The following PTPRS variants were observed in gnomAD, a reference collection of about 807,000 sequenced individuals.
PTPRS encodes the protein receptor-type tyrosine-protein phosphatase S.
Under a neutral mutation model 215.3 loss-of-function variants are expected in PTPRS, and 63 were observed. The ratio of observed to expected loss-of-function variants is 0.29; its 90% CI spans 0.24 to 0.36. The LOEUF is 0.36. Ranked by LOEUF, PTPRS falls within the 10% of genes least tolerant of loss-of-function variation. The pLI, the probability that PTPRS is intolerant of heterozygous loss-of-function variation, is 1.00. For synonymous variants in PTPRS, 1,404 were observed against 1,191.4 expected (o/e 1.18, Z -3.68); for missense variants, 2,258 against 2,825.8 (o/e 0.80, Z 4.56).
chr19:5,326,862 G>A (rs1184635605), intron 1 of PTPRS, among the ~76,000 whole-genome samples: 1 of 151,422 alleles, frequency 6.6e-6, no homozygotes, highest in East Asian at 1.9e-4. Flanking sequence ...AAGGAAGGAA[G>A]GAAAGAAGGA....
At chr19:5,233,002 G>A (rs1369510583) in intron 13 of PTPRS, among the ~76,000 whole-genome samples, 1 of 149,998 alleles carries the variant, frequency 6.7e-6, no homozygotes, top group Non-Finnish European at 1.5e-5. Flanking sequence ...CATTTATTAA[G>A]CACCTACTAT....
intron 1 of PTPRS, among the ~76,000 whole-genome samples, chr19:5,323,564 G>A (rs2050089150): frequency 6.6e-6 from 1 of 152,228 alleles, no homozygotes; most frequent in South Asian, 2.1e-4. Context: ...CCAGGCAGAG[G>A]GCACAGACTG....
intron 1 of PTPRS, among the ~76,000 whole-genome samples, chr19:5,331,126 TTTAAA>T (rs2050310684): frequency 2.3e-5 from 1 of 42,558 alleles, no homozygotes; most frequent in African/African-American, 2.0e-4. Flanking sequence ...GGCTTCTTTT[TTTAAA>T]AAAAAAAAAA....
At chr19:5,269,947 G>A (rs1387430630) in intron 4 of PTPRS, among the ~76,000 whole-genome samples, 1 of 145,790 alleles carries the variant, frequency 6.9e-6, no homozygotes, top group African/African-American at 2.5e-5. Context: ...AAAAAAGAGT[G>A]TGGATGGGCG....
At chr19:5,328,160 A>C (rs764933229) in intron 1 of PTPRS, among the ~76,000 whole-genome samples, 5 of 151,948 alleles carry the variant, frequency 3.3e-5, no homozygotes, top group Non-Finnish European at 5.9e-5. Flanking sequence ...TCTATTGCCC[A>C]GGCTGGAGTG....
intron 1 of PTPRS, chr19:5,292,867 G>A (rs2048944574): frequency 6.6e-6 from 1 of 152,188 alleles, no homozygotes; most frequent in South Asian, 2.1e-4. Context: ...GGTGGGGGGA[G>A]GAGGTCGGGC....
intron 1 of PTPRS, among the ~76,000 whole-genome samples, chr19:5,333,183 C>T (rs1312873031): frequency 6.8e-6 from 1 of 147,070 alleles, no homozygotes; most frequent in Non-Finnish European, 1.5e-5. Context: ...ATAAAAAATG[C>T]CAATTCGCCA....
At chr19:5,256,685 G>C (rs930390630) in intron 8 of PTPRS, among the ~76,000 whole-genome samples, 4 of 152,146 alleles carry the variant, frequency 2.6e-5, no homozygotes, top group Non-Finnish European at 4.4e-5. Context: ...ACTCACCAGA[G>C]GTGCCGTGAC....
chr19:5,247,977 T>G, intron 9 of PTPRS, among the ~76,000 whole-genome samples: 1 of 128,916 alleles, frequency 7.8e-6, no homozygotes. Flanking sequence ...AGTCGGGGCA[T>G]GGGGAGACAG....
At chr19:5,251,706 C>T (rs977397966) in intron 9 of PTPRS, among the ~76,000 whole-genome samples, 26 of 152,066 alleles carry the variant, frequency 1.7e-4, no homozygotes, top group African/African-American at 5.1e-4. Flanking sequence ...CCCTCCTCGC[C>T]GCCCACCCTG....
Position 5,229,350 on chromosome 19 carries a change from CGGGAGGAGGCGGCAGGGGA to C in PTPRS, c.2350-27_2350-9del, listed in dbSNP as rs760253133. On this transcript the variant is annotated splice_polypyrimidine_tract_variant and intron_variant, in intron 15 of 37. Transcript: ENST00000262963. Reference sequence around the variant, plus strand: ...CGTGTCATCCGTCTCCCACTGAGCGCGGGAGGAGGCGGCAGGGGAGAGAGGAGGAAGGTGAGCGGGGGAG... The same window carrying C: ...CGTGTCATCCGTCTCCCACTGAGCGCGAGAGGAGGAAGGTGAGCGGGGGAG... The C allele has an allele frequency of 2.0e-5, 27 of 1,378,044 alleles. No homozygotes were observed. Among genetic ancestry groups the C allele is most frequent in the Non-Finnish European group, 2.5e-5 (26 of 1,060,864 alleles). 85.4% of individuals were successfully genotyped at this position (1,378,044 alleles called of 1,614,324 possible).
At position 5,286,113 on chromosome 19, in the gene PTPRS, C is replaced by A; in HGVS notation, c.28G>T (p.Val10Leu). Residue 10 changes from valine to leucine, a missense_variant, in exon 2 of 38, where the codon GTG becomes TTG. Physicochemically the swap from Val to Leu is conservative, Grantham distance 32 (BLOSUM62 1). Around this residue, in one of 6 missense-constraint regions of PTPRS, gnomAD observed 508 missense variants for 799.4 expected, o/e 0.64. Coordinates refer to ENST00000262963, the MANE Select transcript of PTPRS (RefSeq NM_002850.4). The stretch of plus-strand genomic sequence containing the variant: ...AGGCCCATGGGACCAACCACAGACA[C>A]CATGCCAGGGCCCCAGGTGGGCGCC... MAPTWGPGM[V>L]SVVGPMGLLV... 3 of 1,614,170 alleles carry A rather than the reference C, an allele frequency of 1.9e-6. No homozygotes were observed. The highest frequency in any genetic ancestry group is 2.5e-6 in the Non-Finnish European group (3 of 1,180,024).
intron 11 of PTPRS, among the ~76,000 whole-genome samples, chr19:5,242,407 C>T (rs2044118659): frequency 6.6e-6 from 1 of 151,782 alleles, no homozygotes. Flanking sequence ...AGCAGGGTCT[C>T]GCTCTGTTGC....
At chr19:5,315,052 C>CT (rs1224431700) in intron 1 of PTPRS, among the ~76,000 whole-genome samples, 1 of 152,156 alleles carries the variant, frequency 6.6e-6, no homozygotes, top group Non-Finnish European at 1.5e-5. Context: ...TCACAAAGAC[C>CT]TTGTGTGGGA....
intron 1 of PTPRS, among the ~76,000 whole-genome samples, chr19:5,321,474 A>AG (rs1417768963): frequency 6.6e-6 from 1 of 152,202 alleles, no homozygotes; most frequent in Non-Finnish European, 1.5e-5. Flanking sequence ...ACCGCCTAGA[A>AG]GTGGCAGGCT....
At chr19:5,239,902 C>G (rs2043875917) in intron 12 of PTPRS, among the ~76,000 whole-genome samples, 2 of 151,900 alleles carry the variant, frequency 1.3e-5, no homozygotes, top group Non-Finnish European at 2.9e-5. Context: ...TCAGAGGCAC[C>G]GGTGAAGACA....
chr19:5,234,301 T>C (rs1324522245), intron 13 of PTPRS, among the ~76,000 whole-genome samples: 1 of 152,214 alleles, frequency 6.6e-6, no homozygotes, highest in East Asian at 1.9e-4. Flanking sequence ...CTTGAGCACC[T>C]ACTGTGTGCC....
At chr19:5,221,350 A>G (rs2041960177) in intron 19 of PTPRS, 97 bp from the exon 20 acceptor site, 4 of 1,453,616 alleles carry the variant, frequency 2.8e-6, no homozygotes. Context: ...CTGAGCCCTG[A>G]TCCCACTGAA....
chr19:5,245,690 T>C, intron 10 of PTPRS, 86 bp downstream of exon 10: 1 of 1,482,580 alleles, frequency 6.7e-7, no homozygotes, highest in Non-Finnish European at 8.9e-7. Context: ...TCGGAGGTGC[T>C]CCCACGCTGC....
Sources: gnomAD v4.1 joint callset for allele counts (sites outside exome capture counted in the v4.1 genomes callset) on GRCh38, gnomAD v4.1.1 for gene constraint, gnomAD v4.1.1 regional missense constraint, MANE v1.5 for transcripts, NCBI Gene and HGNC (gene_info 2026-07-23, HGNC 2026-07-21) for gene names.